Variants in SHISA9 observed in about 807,000 individuals in gnomAD.
SHISA9 encodes protein shisa-9.
SHISA9 carries 13 observed loss-of-function variants against 38.0 expected under a neutral mutation model. That is an observed-to-expected ratio of 0.34 (90% CI 0.22 to 0.54). The LOEUF (loss-of-function observed/expected upper bound fraction) is 0.54, where lower values mean the gene tolerates loss of function less well. Ranked by LOEUF, SHISA9 falls within the 20% of genes least tolerant of loss-of-function variation. The probability of loss-of-function intolerance (pLI) is 0.91; values close to 1 mark genes in which losing one functional copy is unlikely to be tolerated. For synonymous variants in SHISA9, 275 were observed against 242.0 expected (o/e 1.14, Z -1.27); for missense variants, 538 against 575.8 (o/e 0.93, Z 0.67).
intron 2 of SHISA9, among the ~76,000 whole-genome samples, chr16:12,981,158 A>C (rs925430047): frequency 1.3e-5 from 2 of 152,192 alleles, no homozygotes; most frequent in African/African-American, 2.4e-5. Context: ...TGGATGCGCA[A>C]AGGCCAGAGC....
chr16:13,184,904 TAC>T (rs1241925275), intron 2 of SHISA9, among the ~76,000 whole-genome samples: 1 of 152,262 alleles, frequency 6.6e-6, no homozygotes, highest in Non-Finnish European at 1.5e-5. Context: ...TAAACATTTG[TAC>T]ACAGGCTTTG....
chr16:13,378,742 CTA>C, the SHISA9 span, among the ~76,000 whole-genome samples: 1 of 152,144 alleles, frequency 6.6e-6, no homozygotes, highest in Non-Finnish European at 1.5e-5. Flanking sequence ...TGTATGAAAC[CTA>C]TGAGTGCCCA....
the SHISA9 span, among the ~76,000 whole-genome samples, chr16:13,479,123 C>T: frequency 1.1e-4 from 16 of 152,240 alleles, no homozygotes; most frequent in East Asian, 3.1e-3. Flanking sequence ...TGCTTATATT[C>T]CTCGGCTTAT....
intron 2 of SHISA9, among the ~76,000 whole-genome samples, chr16:13,157,911 G>T (rs1467332144): frequency 1.3e-5 from 2 of 152,164 alleles, no homozygotes; most frequent in South Asian, 2.1e-4. Flanking sequence ...AGCTCCATTT[G>T]TTTGTTTTCA....
At chr16:13,075,677 A>G (rs1371098559) in intron 2 of SHISA9, among the ~76,000 whole-genome samples, 2 of 152,200 alleles carry the variant, frequency 1.3e-5, no homozygotes, top group African/African-American at 4.8e-5. Context: ...TTCACATATT[A>G]TCATAGCTAA....
chr16:13,450,297 A>G, the SHISA9 span, among the ~76,000 whole-genome samples: 4 of 152,232 alleles, frequency 2.6e-5, no homozygotes, highest in African/African-American at 9.6e-5. Context: ...TGGGAATTAC[A>G]TATATAAAGT....
At chr16:13,253,487 C>T in the SHISA9 span, among the ~76,000 whole-genome samples, 4 of 152,120 alleles carry the variant, frequency 2.6e-5, no homozygotes, top group Non-Finnish European at 4.4e-5. Flanking sequence ...TACAGTTCCA[C>T]GTGGCTGGGG....
the SHISA9 span, among the ~76,000 whole-genome samples, chr16:13,371,401 C>T: frequency 3.9e-5 from 6 of 152,162 alleles, no homozygotes; most frequent in East Asian, 1.9e-4. Context: ...ATCCTCCAAA[C>T]GACATCATCT....
At chr16:13,372,541 A>G in the SHISA9 span, among the ~76,000 whole-genome samples, 2 of 152,322 alleles carry the variant, frequency 1.3e-5, no homozygotes, top group East Asian at 3.9e-4. Flanking sequence ...GCACCATTTC[A>G]GTGGCAGGGA....
At chr16:13,246,748 C>T in the SHISA9 span, among the ~76,000 whole-genome samples, 1 of 152,022 alleles carries the variant, frequency 6.6e-6, no homozygotes, top group African/African-American at 2.4e-5. Context: ...CTATTATTAT[C>T]AGTGTGTTAA....
chr16:13,313,194 G>A, the SHISA9 span, among the ~76,000 whole-genome samples: 120 of 147,140 alleles, frequency 8.2e-4, no homozygotes, highest in Admixed American at 2.2e-3. Flanking sequence ...GGCGGAGCTT[G>A]CAGTGAGCCG....
chr16:13,102,967 T>C (rs1045441179), intron 2 of SHISA9, among the ~76,000 whole-genome samples: 2 of 152,232 alleles, frequency 1.3e-5, no homozygotes, highest in Non-Finnish European at 2.9e-5. Flanking sequence ...GCTATGCATA[T>C]AGAAATACTC....
At chr16:13,124,551 G>C (rs1244209469) in intron 2 of SHISA9, among the ~76,000 whole-genome samples, 1 of 152,156 alleles carries the variant, frequency 6.6e-6, no homozygotes. Context: ...GCCCCAGACA[G>C]GTTAATGTAA....
intron 2 of SHISA9, among the ~76,000 whole-genome samples, chr16:13,066,751 G>A (rs949689442): frequency 6.6e-6 from 1 of 152,200 alleles, no homozygotes; most frequent in East Asian, 1.9e-4. Flanking sequence ...TATAACAATT[G>A]TCAGTCCTGT....
intron 2 of SHISA9, among the ~76,000 whole-genome samples, chr16:12,921,206 A>G (rs79709091): frequency 0.011 from 1,615 of 151,196 alleles, 32 homozygotes; most frequent in African/African-American, 0.036. Context: ...TTGCAGCATA[A>G]CCTGAGCAAG....
rs886427956 is a variant in SHISA9 at position 13,236,549 on chromosome 16, C to T, written c.*1140C>T. On this transcript the variant is annotated 3_prime_UTR_variant, in exon 5 of 5. Transcript: ENST00000558583. ...TGCTTTGGACTGAAAATGTCATAAG[C>T]GTGGGTGGTGCCTTCAATGTGTTAC... The T allele has an allele frequency of 1.3e-5, 2 of 152,408 alleles. No individual in the cohort carries two copies. The highest frequency in any genetic ancestry group is 1.9e-4 in the East Asian group (1 of 5,180). The allele number at this position is 152,408 out of a possible 1,614,324, so 9.4% of individuals were successfully genotyped here.
the SHISA9 span, among the ~76,000 whole-genome samples, chr16:13,506,649 G>A: frequency 2.6e-3 from 402 of 152,208 alleles, no homozygotes; most frequent in African/African-American, 8.6e-3. Context: ...AGGATGGAGC[G>A]CCTGCGTGAA....
chr16:13,380,884 A>G, the SHISA9 span, among the ~76,000 whole-genome samples: 2 of 129,686 alleles, frequency 1.5e-5, no homozygotes, highest in East Asian at 4.4e-4. Flanking sequence ...ATGTGTTCTC[A>G]TTGTTCAACT....
At chr16:13,469,385 GAA>G in the SHISA9 span, among the ~76,000 whole-genome samples, 1 of 91,328 alleles carries the variant, frequency 1.1e-5, no homozygotes, top group South Asian at 4.4e-4. Context: ...AAGAAAGAAA[GAA>G]AGAAAGAAAG....
Sources: gnomAD v4.1 joint callset for allele counts (sites outside exome capture counted in the v4.1 genomes callset) on GRCh38, gnomAD v4.1.1 for gene constraint, MANE v1.5 for transcripts, NCBI Gene and HGNC (gene_info 2026-07-23, HGNC 2026-07-21) for gene names.